NYAP2: variants seen among roughly 807,000 people sequenced by gnomAD.
NYAP2 encodes the protein neuronal tyrosine-phosphorylated phosphoinositide-3-kinase adapter 2.
A neutral mutation model predicts 50.4 loss-of-function variants in NYAP2; 23 were observed. The ratio of observed to expected loss-of-function variants is 0.46; its 90% CI spans 0.33 to 0.65. The LOEUF is 0.65. NYAP2 is among the 30% of genes least tolerant of loss of function. The probability of loss-of-function intolerance (pLI) is 0.02; values close to 1 mark genes in which losing one functional copy is unlikely to be tolerated. For synonymous variants in NYAP2, 394 were observed against 365.2 expected, an observed-to-expected ratio of 1.08 and a Z score of -0.90; for missense variants, 885 against 861.0, an observed-to-expected ratio of 1.03 and a Z score of -0.35.
At chr2:225,492,188 C>T (rs553282233) in intron 3 of NYAP2, among the ~76,000 whole-genome samples, 33 of 152,252 alleles carry the variant, frequency 2.2e-4, no homozygotes, top group African/African-American at 6.7e-4. Context: ...GTTCCTTTGC[C>T]GGTTGATTGT....
At chr2:225,407,106 T>C (rs1163864573) in intron 2 of NYAP2, among the ~76,000 whole-genome samples, 1 of 152,040 alleles carries the variant, frequency 6.6e-6, no homozygotes, top group Non-Finnish European at 1.5e-5. Flanking sequence ...GTTATGCTGA[T>C]CTTTTTTATC....
chr2:225,622,454 T>C (rs1299855314), intron 5 of NYAP2, among the ~76,000 whole-genome samples: 1 of 152,228 alleles, frequency 6.6e-6, no homozygotes, highest in Non-Finnish European at 1.5e-5. Context: ...AAGATGACTC[T>C]AAAGGTTGTA....
the NYAP2 span, among the ~76,000 whole-genome samples, chr2:225,662,003 C>A: frequency 0.021 from 3,260 of 152,242 alleles, 123 homozygotes; most frequent in African/African-American, 0.073. Context: ...GAATTACAGG[C>A]GTGAGCCACT....
intron 3 of NYAP2, among the ~76,000 whole-genome samples, chr2:225,454,633 C>CA (rs1689707075): frequency 1.3e-5 from 2 of 152,152 alleles, no homozygotes; most frequent in Admixed American, 6.5e-5. Context: ...CGCCTCCTGT[C>CA]AGATCAGTGG....
At chr2:225,651,493 A>G (rs1693731432) in exon 7 of NYAP2, 2 of 1,613,980 alleles carry the variant, frequency 1.2e-6, no homozygotes, top group East Asian at 4.5e-5. Flanking sequence ...CTCCTCCATC[A>G]GTCACTCCCC....
intron 6 of NYAP2, among the ~76,000 whole-genome samples, chr2:225,634,004 C>T (rs1318499981): frequency 1.3e-5 from 2 of 152,166 alleles, no homozygotes; most frequent in African/African-American, 4.8e-5. Flanking sequence ...CCAGTAGATA[C>T]CTTGTCCTCC....
chr2:225,648,681 C>T (rs1270206073), intron 6 of NYAP2, among the ~76,000 whole-genome samples: 1 of 152,046 alleles, frequency 6.6e-6, no homozygotes, highest in Non-Finnish European at 1.5e-5. Flanking sequence ...GATGTTTCTA[C>T]TATACATAGG....
intron 5 of NYAP2, among the ~76,000 whole-genome samples, chr2:225,624,762 T>C (rs947204317): frequency 2.0e-5 from 3 of 152,152 alleles, no homozygotes; most frequent in African/African-American, 7.2e-5. Context: ...CAAAATATTT[T>C]AAACTGTAGA....
chr2:225,547,939 C>T (rs1043005960), intron 4 of NYAP2, among the ~76,000 whole-genome samples: 1 of 152,180 alleles, frequency 6.6e-6, no homozygotes, highest in South Asian at 2.1e-4. Context: ...TCTTTATATC[C>T]CTACTATATT....
chr2:225,578,511 T>C (rs1045037554), intron 4 of NYAP2, among the ~76,000 whole-genome samples: 6 of 152,030 alleles, frequency 3.9e-5, no homozygotes, highest in African/African-American at 1.5e-4. Context: ...CAGATTTAAG[T>C]AGTAAGCGCC....
At chr2:225,663,212 C>CT in the NYAP2 span, among the ~76,000 whole-genome samples, 1 of 151,926 alleles carries the variant, frequency 6.6e-6, no homozygotes, top group African/African-American at 2.4e-5. Context: ...ATGATTTGTG[C>CT]TTTTTTTCTC....
chr2:225,695,074 C>A, the NYAP2 span, among the ~76,000 whole-genome samples: 2 of 151,644 alleles, frequency 1.3e-5, no homozygotes, highest in Admixed American at 6.6e-5. Flanking sequence ...TATTCTTATT[C>A]TTCTATTCTT....
At chr2:225,474,373 G>T (rs1446047877) in intron 3 of NYAP2, among the ~76,000 whole-genome samples, 1 of 152,140 alleles carries the variant, frequency 6.6e-6, no homozygotes, top group African/African-American at 2.4e-5. Context: ...TGATGGGAAT[G>T]GCATTGAATC....
chr2:225,572,748 T>C (rs1692096549), intron 4 of NYAP2, among the ~76,000 whole-genome samples: 2 of 152,196 alleles, frequency 1.3e-5, no homozygotes, highest in African/African-American at 4.8e-5. Context: ...GAATTATGTA[T>C]GTAGTGGCTT....
intron 4 of NYAP2, among the ~76,000 whole-genome samples, chr2:225,515,086 C>T (rs1443421952): frequency 6.6e-6 from 1 of 152,094 alleles, no homozygotes; most frequent in Admixed American, 6.6e-5. Context: ...GTGCCTTTAG[C>T]CAAAAACAAC....
intron 3 of NYAP2, among the ~76,000 whole-genome samples, chr2:225,439,989 G>A (rs1384779678): frequency 6.6e-6 from 1 of 152,154 alleles, no homozygotes; most frequent in Non-Finnish European, 1.5e-5. Flanking sequence ...CAGGGGAAAT[G>A]CCATAGGCTT....
At chr2:225,503,854 T>C (rs370263905) in intron 3 of NYAP2, among the ~76,000 whole-genome samples, 3 of 151,374 alleles carry the variant, frequency 2.0e-5, no homozygotes, top group African/African-American at 7.4e-5. Context: ...CTGATAATTA[T>C]AGCTTTTTTT....
chr2:225,605,057 C>T (rs1692762480), intron 5 of NYAP2, among the ~76,000 whole-genome samples: 1 of 151,992 alleles, frequency 6.6e-6, no homozygotes, highest in East Asian at 1.9e-4. Context: ...TTCCTCTTAG[C>T]ATTTGGTGTT....
At chr2:225,433,403 A>G (rs1050288924) in intron 3 of NYAP2, among the ~76,000 whole-genome samples, 1 of 152,022 alleles carries the variant, frequency 6.6e-6, no homozygotes, top group African/African-American at 2.4e-5. Flanking sequence ...ATTTTCACTG[A>G]ATTTCCTCCC....
Sources: allele counts gnomAD v4.1 joint callset (sites outside exome capture counted in the v4.1 genomes callset), GRCh38; gene constraint gnomAD v4.1.1; transcripts MANE v1.5; gene names NCBI Gene and HGNC (gene_info 2026-07-23, HGNC 2026-07-21).